Variants in MTSS1 observed in about 807,000 individuals in gnomAD.
MTSS1 encodes the protein MTSS I-BAR domain containing 1.
In MTSS1, 18 loss-of-function variants were observed where a neutral mutation model predicts 79.0. The observed-to-expected ratio is 0.23, with a 90% CI of 0.16 to 0.34. The LOEUF (loss-of-function observed/expected upper bound fraction) is 0.34. Ranked by LOEUF, MTSS1 falls within the 10% of genes least tolerant of loss-of-function variation. The pLI is 1.00. For synonymous variants in MTSS1, 341 were observed against 368.6 expected, an observed-to-expected ratio of 0.93 and a Z score of 0.86; for missense variants, 815 against 986.2, an observed-to-expected ratio of 0.83 and a Z score of 2.33.
intron 3 of MTSS1, among the ~76,000 whole-genome samples, chr8:124,648,400 GA>G (rs1165143171): frequency 1.3e-5 from 2 of 151,988 alleles, no homozygotes; most frequent in Non-Finnish European, 2.9e-5. Context: ...AGTTGCTTAA[GA>G]AAACCTCACA....
intron 6 of MTSS1, among the ~76,000 whole-genome samples, chr8:124,583,365 G>A (rs1176655537): frequency 6.6e-6 from 1 of 152,168 alleles, no homozygotes; most frequent in Non-Finnish European, 1.5e-5. Flanking sequence ...AGCCTTGATA[G>A]GGAGCTCATT....
chr8:124,684,435 C>T (rs1826620427), intron 3 of MTSS1, among the ~76,000 whole-genome samples: 1 of 152,130 alleles, frequency 6.6e-6, no homozygotes, highest in Non-Finnish European at 1.5e-5. Context: ...TTGTGAGTTG[C>T]AAGCATAAAG....
chr8:124,557,913 A>T (rs768953240), intron 10 of MTSS1, 38 bp from the exon 11 acceptor site: 1 of 1,487,434 alleles, frequency 6.7e-7, no homozygotes, highest in Admixed American at 2.0e-5. Flanking sequence ...GAAGGAAAAA[A>T]AATTAATATA....
chr8:124,650,716 G>A (rs1159028261), intron 3 of MTSS1, among the ~76,000 whole-genome samples: 2 of 152,202 alleles, frequency 1.3e-5, no homozygotes, highest in African/African-American at 2.4e-5. Flanking sequence ...CTGGTTTTAC[G>A]GTTGGGGAAA....
chr8:124,579,470 A>G (rs1465334958), intron 6 of MTSS1, among the ~76,000 whole-genome samples: 1 of 152,220 alleles, frequency 6.6e-6, no homozygotes, highest in Non-Finnish European at 1.5e-5. Context: ...TGAATGTACT[A>G]AAAGCCACTG....
intron 3 of MTSS1, among the ~76,000 whole-genome samples, chr8:124,602,265 T>C (rs147070496): frequency 0.015 from 2,252 of 147,086 alleles, 32 homozygotes; most frequent in South Asian, 0.038. Context: ...AGTGGTGTGA[T>C]CACGGCTCAC....
chr8:124,599,652 CAG>C (rs1057125394), intron 3 of MTSS1, among the ~76,000 whole-genome samples: 7 of 151,854 alleles, frequency 4.6e-5, no homozygotes, highest in African/African-American at 1.7e-4. Flanking sequence ...TTTTCTAAAA[CAG>C]ATACACACCA....
At chr8:124,602,200 T>TAC (rs1386379139) in intron 3 of MTSS1, among the ~76,000 whole-genome samples, 100 of 142,714 alleles carry the variant, frequency 7.0e-4, no homozygotes, top group African/African-American at 2.5e-3. Flanking sequence ...TATATATATA[T>TAC]ATATATAATT....
chr8:124,567,769 T>G, intron 7 of MTSS1: 1 of 1,528,530 alleles, frequency 6.5e-7, no homozygotes, highest in Non-Finnish European at 8.7e-7. Flanking sequence ...AAAAGTTCTG[T>G]GCTCAGGGGA....
chr8:124,721,949 G>A (rs953075401), intron 1 of MTSS1, among the ~76,000 whole-genome samples: 3 of 152,110 alleles, frequency 2.0e-5, no homozygotes, highest in Non-Finnish European at 4.4e-5. Flanking sequence ...CCATTCCCAC[G>A]GCCCTTGGAG....
chr8:124,568,911 C>G, intron 6 of MTSS1: 1 of 1,352,396 alleles, frequency 7.4e-7, no homozygotes, highest in Non-Finnish European at 9.5e-7. Context: ...GATGTGGAAA[C>G]AAGGTAAGAG....
chr8:124,589,074 A>C (rs1390889964), intron 5 of MTSS1, among the ~76,000 whole-genome samples: 1 of 151,638 alleles, frequency 6.6e-6, no homozygotes, highest in Non-Finnish European at 1.5e-5. Context: ...TCTGTCGTCC[A>C]GGCTGGAGTA....
At chr8:124,673,813 A>T (rs2134736164) in intron 3 of MTSS1, among the ~76,000 whole-genome samples, 1 of 152,188 alleles carries the variant, frequency 6.6e-6, no homozygotes, top group African/African-American at 2.4e-5. Context: ...ACGTGCCCAT[A>T]TTTCATGGAA....
chr8:124,648,725 T>C (rs115771425), intron 3 of MTSS1, among the ~76,000 whole-genome samples: 11,214 of 147,384 alleles, frequency 0.076, 449 homozygotes, highest in Middle Eastern at 0.099. Context: ...CCCCAGATAC[T>C]GACCAGACGG....
intron 3 of MTSS1, among the ~76,000 whole-genome samples, chr8:124,670,812 G>A (rs759478695): frequency 8.5e-5 from 13 of 152,064 alleles, no homozygotes; most frequent in Admixed American, 3.3e-4. Context: ...TCCAGAGACC[G>A]CAGATTAAAA....
chr8:124,662,537 T>C (rs566248441), intron 3 of MTSS1, among the ~76,000 whole-genome samples: 1 of 152,268 alleles, frequency 6.6e-6, no homozygotes, highest in South Asian at 2.1e-4. Context: ...CTTTCCCCAA[T>C]ACTCAGGATC....
intron 10 of MTSS1, among the ~76,000 whole-genome samples, chr8:124,559,611 C>T (rs1824840236): frequency 6.6e-6 from 1 of 152,202 alleles, no homozygotes; most frequent in South Asian, 2.1e-4. Flanking sequence ...TCAGCCACGG[C>T]ATGCGCTCCC....
intron 1 of MTSS1, among the ~76,000 whole-genome samples, chr8:124,716,309 A>G (rs1831968880): frequency 6.6e-6 from 1 of 152,252 alleles, no homozygotes; most frequent in South Asian, 2.1e-4. Context: ...TTCCCTGCAA[A>G]AGACAGAATT....
At chr8:124,685,455 C>A (rs944956239) in intron 3 of MTSS1, among the ~76,000 whole-genome samples, 2 of 152,224 alleles carry the variant, frequency 1.3e-5, no homozygotes, top group Non-Finnish European at 2.9e-5. Context: ...GCTACGACAG[C>A]GAAGCCCAGA....
Sources: gnomAD v4.1 joint callset for allele counts (sites outside exome capture counted in the v4.1 genomes callset) on GRCh38, gnomAD v4.1.1 for gene constraint, MANE v1.5 for transcripts, NCBI Gene and HGNC (gene_info 2026-07-23, HGNC 2026-07-21) for gene names.